CHCHD3: variants seen among roughly 807,000 people sequenced by gnomAD.
CHCHD3 encodes coiled-coil-helix-coiled-coil-helix domain containing 3.
In CHCHD3, 20 loss-of-function variants were observed where a neutral mutation model predicts 38.2. The observed-to-expected ratio is 0.52, with a 90% CI of 0.37 to 0.76. The LOEUF is 0.76. CHCHD3 is among the 30% of genes least tolerant of loss of function. CHCHD3 has a pLI of 0.00. For synonymous variants in CHCHD3, 82 were observed against 100.0 expected, an observed-to-expected ratio of 0.82 and a Z score of 1.07; for missense variants, 245 against 279.2, an observed-to-expected ratio of 0.88 and a Z score of 0.87.
intron 4 of CHCHD3, among the ~76,000 whole-genome samples, chr7:132,887,295 C>A (rs1314005167): frequency 2.4e-4 from 36 of 151,474 alleles, no homozygotes. Context: ...ATCTATGGCT[C>A]CCTGGTACAA....
intron 3 of CHCHD3, among the ~76,000 whole-genome samples, chr7:132,981,522 A>C (rs1811918483): frequency 6.6e-6 from 1 of 152,240 alleles, no homozygotes; most frequent in Non-Finnish European, 1.5e-5. Context: ...AGGCTCTTTT[A>C]AAATTTGTGT....
chr7:132,923,320 A>G (rs1457977024), intron 4 of CHCHD3, among the ~76,000 whole-genome samples: 1 of 152,148 alleles, frequency 6.6e-6, no homozygotes, highest in African/African-American at 2.4e-5. Flanking sequence ...GCACAGTTGG[A>G]TAAAGTATGG....
chr7:132,923,817 T>C (rs375858806), intron 4 of CHCHD3, among the ~76,000 whole-genome samples: 3 of 152,202 alleles, frequency 2.0e-5, no homozygotes, highest in East Asian at 1.9e-4. Context: ...CACTTTGCTA[T>C]CCTAACATTA....
At chr7:133,075,606 G>A (rs952842161) in intron 1 of CHCHD3, among the ~76,000 whole-genome samples, 2 of 152,154 alleles carry the variant, frequency 1.3e-5, no homozygotes, top group Non-Finnish European at 2.9e-5. Context: ...CTGTGAACAG[G>A]GGTACTCACT....
intron 4 of CHCHD3, among the ~76,000 whole-genome samples, chr7:132,918,851 G>C (rs1197461101): frequency 6.6e-6 from 1 of 152,206 alleles, no homozygotes; most frequent in East Asian, 1.9e-4. Context: ...CTGGCAAATA[G>C]GTGAATAAGC....
In CHCHD3 at chr7:132,785,492, T is replaced by C; in HGVS notation, c.*145A>G. 1.3e-6 allele frequency: 1 copy of C among 784,206 alleles called. No homozygotes were observed. The highest frequency in any genetic ancestry group is 1.7e-5 in the South Asian group (1 of 60,160). The allele number at this position is 784,206 out of a possible 1,614,324, so 48.6% of individuals were successfully genotyped here. A position where few individuals can be genotyped will look rare whatever the true frequency, so the allele number is the denominator to read the frequency against. On this transcript the variant is annotated 3_prime_UTR_variant, in exon 8 of 8. Transcript: ENST00000262570. ...TGCTGCTGTTCAAAACGTGAAATGA[T>C]TCTGCTGAATCCATTCTTGATGTCT...
intron 4 of CHCHD3, among the ~76,000 whole-genome samples, chr7:132,902,848 T>G (rs1449218578): frequency 1.3e-5 from 2 of 152,134 alleles, no homozygotes; most frequent in Non-Finnish European, 2.9e-5. Flanking sequence ...AAAAAAAGAC[T>G]TAGCTTGTTC....
At chr7:132,805,937 C>T (rs542875151) in intron 6 of CHCHD3, among the ~76,000 whole-genome samples, 3 of 152,330 alleles carry the variant, frequency 2.0e-5, no homozygotes, top group Non-Finnish European at 4.4e-5. Flanking sequence ...ATGACACCTC[C>T]TCACCACGAT....
intron 4 of CHCHD3, among the ~76,000 whole-genome samples, chr7:132,931,164 G>C (rs1810505824): frequency 6.6e-6 from 1 of 152,180 alleles, no homozygotes; most frequent in Non-Finnish European, 1.5e-5. Flanking sequence ...GTATGTTGCA[G>C]CAGTGATTTC....
At chr7:132,875,286 T>C (rs1157762426) in intron 5 of CHCHD3, among the ~76,000 whole-genome samples, 1 of 152,182 alleles carries the variant, frequency 6.6e-6, no homozygotes, top group Non-Finnish European at 1.5e-5. Flanking sequence ...TATTTGGCCA[T>C]GGAACCCACC....
chr7:133,082,056 A>T lies in CHCHD3; in HGVS notation c.-119T>A. 1 of 920,166 alleles carries T rather than the reference A, an allele frequency of 1.1e-6. No homozygotes were observed. The highest frequency in any genetic ancestry group is 3.0e-5 in the East Asian group (1 of 33,622). 57.0% of individuals were successfully genotyped at this position (920,166 alleles called of 1,614,324 possible). ...TTTCCCGCACAGCGGGAGCAAGGCC[A>T]CGACCCCCAGAAGCAAGGAGAAGGC... On this transcript the variant is annotated 5_prime_UTR_variant, in exon 1 of 8. Coordinates refer to ENST00000262570, the MANE Select transcript of CHCHD3 (RefSeq NM_017812.4).
At chr7:133,080,107 A>G (rs1815127425) in intron 1 of CHCHD3, among the ~76,000 whole-genome samples, 1 of 152,236 alleles carries the variant, frequency 6.6e-6, no homozygotes, top group South Asian at 2.1e-4. Flanking sequence ...GACCAGCGCA[A>G]GGGCATTCCA....
At chr7:132,820,626 T>C (rs939785332) in intron 6 of CHCHD3, among the ~76,000 whole-genome samples, 30 of 150,612 alleles carry the variant, frequency 2.0e-4, no homozygotes, top group African/African-American at 6.8e-4. Flanking sequence ...TTTTTTTTTT[T>C]TTTTTTTTTT....
Position 133,041,211 on chromosome 7 carries a change from T to C in CHCHD3, c.170-16584A>G, listed in dbSNP as rs1584666160. Among the ~76,000 whole-genome samples, 3 of 152,342 alleles carry C rather than the reference T, an allele frequency of 2.0e-5. No individual in the cohort carries two copies. In the East Asian group the frequency reaches 5.8e-4, roughly 29 times the overall value. On this transcript the variant is annotated intron_variant, in intron 2 of 7. Transcript: ENST00000262570. ...TATACAAGTATCCAGGTAATAAGAT[T>C]GTTGTGAGAATTATATCACCTTCTG...
intron 5 of CHCHD3, among the ~76,000 whole-genome samples, chr7:132,861,090 A>C (rs911607321): frequency 2.0e-5 from 3 of 152,186 alleles, no homozygotes; most frequent in Non-Finnish European, 2.9e-5. Context: ...ACAAAATTGA[A>C]CTATGTTTTG....
intron 6 of CHCHD3, among the ~76,000 whole-genome samples, chr7:132,824,286 G>GAAA (rs1212606024): frequency 7.8e-6 from 1 of 127,456 alleles, no homozygotes; most frequent in Admixed American, 8.1e-5. Context: ...ATAGGTGAAA[G>GAAA]AAAAAAATAT....
chr7:133,003,897 G>A (rs1450513975), intron 3 of CHCHD3, among the ~76,000 whole-genome samples: 1 of 151,832 alleles, frequency 6.6e-6, no homozygotes, highest in Admixed American at 6.6e-5. Flanking sequence ...AAAGGGTCCT[G>A]ATGAAAATAA....
At chr7:132,870,446 G>T (rs113970917) in intron 5 of CHCHD3, among the ~76,000 whole-genome samples, 22 of 150,994 alleles carry the variant, frequency 1.5e-4, no homozygotes, top group Admixed American at 4.0e-4. Context: ...CTTTCTCCCC[G>T]CAACAAGCTA....
intron 3 of CHCHD3, among the ~76,000 whole-genome samples, chr7:132,994,491 G>A (rs1812363966): frequency 6.6e-6 from 1 of 152,170 alleles, no homozygotes; most frequent in Non-Finnish European, 1.5e-5. Context: ...CAATCTGAGG[G>A]AAGAGTGATA....
Sources: allele counts gnomAD v4.1 joint callset (sites outside exome capture counted in the v4.1 genomes callset), GRCh38; gene constraint gnomAD v4.1.1; transcripts MANE v1.5; gene names NCBI Gene and HGNC (gene_info 2026-07-23, HGNC 2026-07-21).